FLRT2: variants seen among roughly 807,000 people sequenced by gnomAD.
FLRT2 encodes fibronectin leucine rich transmembrane protein 2.
FLRT2 carries 15 observed loss-of-function variants against 40.0 expected under a neutral mutation model. That is an observed-to-expected ratio of 0.38 (90% CI 0.25 to 0.58). FLRT2 has a LOEUF of 0.58. FLRT2 is among the 20% of genes least tolerant of loss of function. FLRT2 has a pLI of 0.71. For missense variants in FLRT2, 726 were observed against 840.0 expected (o/e 0.86, Z 1.68); for synonymous variants, 380 against 336.8 (o/e 1.13, Z -1.41).
chr14:85,620,435 C>T (rs368176575), intron 1 of FLRT2, among the ~76,000 whole-genome samples: 1 of 152,188 alleles, frequency 6.6e-6, no homozygotes, highest in Middle Eastern at 3.4e-3. Flanking sequence ...CACCTTCATA[C>T]TGTGTTCTTT....
At chr14:85,580,691 ACAGT>A (rs1445816436) in intron 1 of FLRT2, among the ~76,000 whole-genome samples, 7 of 152,288 alleles carry the variant, frequency 4.6e-5, no homozygotes, top group African/African-American at 1.7e-4. Flanking sequence ...TCATCAGAAA[ACAGT>A]CAGCAGAAGC....
chr14:85,571,021 G>A (rs1459368003), intron 1 of FLRT2, among the ~76,000 whole-genome samples: 1 of 152,146 alleles, frequency 6.6e-6, no homozygotes, highest in East Asian at 1.9e-4. Context: ...GTTTTCAGTA[G>A]TGTTGCATTT....
rs184336751 is a variant in FLRT2, at chr14:85,648,502, G to A, written c.*25005G>A. ...AGACATGAGTGTCAAGGGAAGTTGAGGTGGAGATGGTGGCTATATGGTGCA... is the reference window on the plus strand; with the variant it reads ...AGACATGAGTGTCAAGGGAAGTTGAAGTGGAGATGGTGGCTATATGGTGCA... On this transcript the variant is annotated 3_prime_UTR_variant, in exon 2 of 2. Transcript: ENST00000330753. 124 of 152,304 alleles carry A rather than the reference G, an allele frequency of 8.1e-4. No homozygotes were observed. The highest frequency in any genetic ancestry group is 2.9e-3 in the African/African-American group (120 of 41,578). 9.4% of individuals were successfully genotyped at this position (152,304 alleles called of 1,614,324 possible). A position where few individuals can be genotyped will look rare whatever the true frequency, so the allele number is the denominator to read the frequency against.
rs1894437979 is a variant in FLRT2, at chr14:85,651,722, T to C, written c.*28225T>C. 1 of 152,114 alleles carries C rather than the reference T, an allele frequency of 6.6e-6. No homozygotes were observed. The highest frequency in any genetic ancestry group is 2.4e-5 in the African/African-American group (1 of 41,450). 9.4% of individuals were successfully genotyped at this position (152,114 alleles called of 1,614,324 possible). ...TTTTCTTATTTTTATCCTTTCTATG[T>C]CTTTATGATTAAATTGTGTGCCTTA... On this transcript the variant is annotated 3_prime_UTR_variant, in exon 2 of 2. Transcript: ENST00000330753.
chr14:85,609,794 C>T (rs957616024), intron 1 of FLRT2, among the ~76,000 whole-genome samples: 1 of 152,226 alleles, frequency 6.6e-6, no homozygotes, highest in African/African-American at 2.4e-5. Flanking sequence ...ACAGCCCAGG[C>T]AGCCTTCTAG....
At position 85,622,075 on chromosome 14, in the gene FLRT2, G is replaced by A. The variant is rs374053176; in HGVS notation, c.561G>A (p.Val187=). 68 of 1,613,966 alleles carry A rather than the reference G, an allele frequency of 4.2e-5. No individual in the cohort carries two copies. The highest frequency in any genetic ancestry group is 5.4e-5 in the Non-Finnish European group (64 of 1,180,016). Residue 187 remains valine, a synonymous_variant, in exon 2 of 2, where the codon GTG becomes GTA. Transcript: ENST00000330753. ...GLPVDLQELR[V]DENRIAVISD... ...CTGTGGACTTGCAAGAGCTGAGAGT[G>A]GATGAAAATCGAATTGCTGTCATAT...
rs2139390520 is a variant in FLRT2, at chr14:85,635,306, G to A, written c.*11809G>A. 1 of 152,108 alleles carries A rather than the reference G, an allele frequency of 6.6e-6. No homozygotes were observed. Among genetic ancestry groups the A allele is most frequent in the African/African-American group, 2.4e-5 (1 of 41,492 alleles). 9.4% of individuals were successfully genotyped at this position (152,108 alleles called of 1,614,324 possible). ...TATATCATCTTCACTTCAGTGGTTG[G>A]CATATATTCAAACCCATTATGGCTG... On this transcript the variant is annotated 3_prime_UTR_variant, in exon 2 of 2. Transcript: ENST00000330753.
rs907282396 is a variant in FLRT2 at position 85,624,807 on chromosome 14, C to T, written c.*1310C>T. On this transcript the variant is annotated 3_prime_UTR_variant, in exon 2 of 2. Transcript: ENST00000330753. ...GTACTAATTTTCACTGCTAATAATT[C>T]TGTAAGGACACATCAAAGCTGGCCA... The T allele has an allele frequency of 2.9e-4, 49 of 166,990 alleles. No homozygotes were observed. The highest frequency in any genetic ancestry group is 1.0e-4 in the Non-Finnish European group (7 of 68,114). 10.3% of individuals were successfully genotyped at this position (166,990 alleles called of 1,614,324 possible).
At chr14:85,614,907 A>C (rs1285521633) in intron 1 of FLRT2, among the ~76,000 whole-genome samples, 1 of 152,234 alleles carries the variant, frequency 6.6e-6, no homozygotes, top group Non-Finnish European at 1.5e-5. Context: ...ATGGATTGAA[A>C]GTACATAGAC....
rs762882941 is a variant in FLRT2, at chr14:85,621,947, A to G, written c.433A>G (p.Ile145Val). 5 of 1,601,658 alleles carry G rather than the reference A, an allele frequency of 3.1e-6. No homozygotes were observed. In the South Asian group the frequency reaches 5.7e-5, roughly 18 times the overall value. ...AGAGCTGCACCTGGATGACAACTCC[A>G]TATCCACAGTGGGGGTGGAAGACGG... ...LEELHLDDNS[I>V]STVGVEDGAF... The change falls in exon 2 of 2, where the codon ATA (isoleucine) becomes GTA (valine). Residue 145 changes from isoleucine (I) to valine (V), a missense_variant. By Grantham distance (29) the Ile-to-Val change is conservative. This residue lies in a region of FLRT2 where 611 missense variants were observed against 690.0 expected (regional missense o/e 0.89). Transcript: ENST00000330753.
intron 1 of FLRT2, among the ~76,000 whole-genome samples, chr14:85,606,745 C>T (rs1265888403): frequency 1.3e-5 from 2 of 150,742 alleles, no homozygotes; most frequent in East Asian, 2.0e-4. Flanking sequence ...GGATGGTCTC[C>T]ATCTCCTGAC....
intron 1 of FLRT2, among the ~76,000 whole-genome samples, chr14:85,587,356 A>G (rs1394223072): frequency 1.3e-5 from 2 of 151,974 alleles, no homozygotes; most frequent in Non-Finnish European, 2.9e-5. Context: ...GACAGCAAAC[A>G]CCAGTGTGCC....
chr14:85,566,372 G>A lies in FLRT2; in HGVS notation c.-377+35838G>A, dbSNP rs1836115360. 2.6e-5 allele frequency among the ~76,000 whole-genome samples: 4 copies of A among 152,124 alleles called. No homozygotes were observed. The South Asian group carries it at 8.3e-4, about 31-fold the overall frequency. On this transcript the variant is annotated intron_variant, in intron 1 of 1. Transcript: ENST00000330753. Reference sequence around the variant, plus strand: ...AGGATTTTATTGAGGAAAAAAAGAAGCAAACATAACAAAGTATTATTCTGC... The same window carrying A: ...AGGATTTTATTGAGGAAAAAAAGAAACAAACATAACAAAGTATTATTCTGC...
At chr14:85,619,728 G>A (rs193239574) in intron 1 of FLRT2, among the ~76,000 whole-genome samples, 3 of 152,058 alleles carry the variant, frequency 2.0e-5, no homozygotes, top group East Asian at 1.9e-4. Flanking sequence ...CTTGCAGTTC[G>A]CCATGTCCTG....
At chr14:85,599,891 T>C (rs1211112726) in intron 1 of FLRT2, among the ~76,000 whole-genome samples, 1 of 152,196 alleles carries the variant, frequency 6.6e-6, no homozygotes, top group Non-Finnish European at 1.5e-5. Flanking sequence ...ATAAAAAGGC[T>C]GCATACAGCC....
chr14:85,553,754 A>T (rs1282409648), intron 1 of FLRT2, among the ~76,000 whole-genome samples: 1 of 152,198 alleles, frequency 6.6e-6, no homozygotes, highest in Non-Finnish European at 1.5e-5. Flanking sequence ...CCAATAGGTG[A>T]CTATAAATAT....
rs1894446934 is a variant in FLRT2 at position 85,652,133 on chromosome 14, A to G, written c.*28636A>G. 1.3e-5 allele frequency: 2 copies of G among 152,150 alleles called. No individual in the cohort carries two copies. Among genetic ancestry groups the G allele is most frequent in the Admixed American group, 1.3e-4 (2 of 15,266 alleles). The allele number at this position is 152,150 out of a possible 1,614,324, so 9.4% of individuals were successfully genotyped here. A position where few individuals can be genotyped will look rare whatever the true frequency, so the allele number is the denominator to read the frequency against. On this transcript the variant is annotated 3_prime_UTR_variant, in exon 2 of 2. Coordinates refer to ENST00000330753, the MANE Select transcript of FLRT2 (RefSeq NM_013231.6). Reference sequence around the variant, plus strand: ...TTAGGAGGCAAAACAAAGTATTATTAAAAGTATGTTTGATGTTGCTGAAGA... The same window carrying G: ...TTAGGAGGCAAAACAAAGTATTATTGAAAGTATGTTTGATGTTGCTGAAGA...
chr14:85,620,880 G>C (rs1893348778), intron 1 of FLRT2, among the ~76,000 whole-genome samples: 1 of 152,220 alleles, frequency 6.6e-6, no homozygotes, highest in Non-Finnish European at 1.5e-5. Context: ...AGAAGGTACT[G>C]ATTAGGATGT....
Position 85,622,382 on chromosome 14 carries a change from A to T in FLRT2, c.868A>T (p.Met290Leu). ...GGATATATCCAACAACCAACTGCGG[A>T]TGCTGACTCAAGGGGTTTTTGATAA... ...RLDISNNQLR[M>L]LTQGVFDNLS... The change falls in exon 2 of 2, where the codon ATG (methionine) becomes TTG (leucine). Residue 290 changes from methionine (M) to leucine (L), a missense_variant. Coordinates refer to ENST00000330753, the MANE Select transcript of FLRT2 (RefSeq NM_013231.6). 2 of 1,614,158 alleles carry T rather than the reference A, an allele frequency of 1.2e-6. No individual in the cohort carries two copies. Among genetic ancestry groups the T allele is most frequent in the Non-Finnish European group, 1.7e-6 (2 of 1,180,030 alleles).
Sources: allele counts gnomAD v4.1 joint callset (sites outside exome capture counted in the v4.1 genomes callset), GRCh38; gene constraint gnomAD v4.1.1; regional missense constraint gnomAD v4.1.1; transcripts MANE v1.5; gene names NCBI Gene and HGNC (gene_info 2026-07-23, HGNC 2026-07-21).